The following AKAP8L variants were observed in gnomAD, a reference collection of about 807,000 sequenced individuals.
AKAP8L encodes A-kinase anchoring protein 8 like.
In AKAP8L, 34 loss-of-function variants were observed where a neutral mutation model predicts 77.5. The ratio of observed to expected loss-of-function variants is 0.44; its 90% CI spans 0.33 to 0.58. AKAP8L has a LOEUF of 0.58. Ranked by LOEUF, AKAP8L falls within the 20% of genes least tolerant of loss-of-function variation. The probability of loss-of-function intolerance (pLI) is 0.02; values close to 1 mark genes in which losing one functional copy is unlikely to be tolerated. For synonymous variants in AKAP8L, 342 were observed against 340.7 expected (o/e 1.00, Z -0.04); for missense variants, 806 against 887.6 (o/e 0.91, Z 1.17).
At position 15,404,774 on chromosome 19, in the gene AKAP8L, G is replaced by T. The variant is rs1191609397; in HGVS notation, c.89-732C>A. Among the ~76,000 whole-genome samples, 7 of 152,298 alleles carry T rather than the reference G, an allele frequency of 4.6e-5. No homozygotes were observed. In the East Asian group the frequency reaches 1.2e-3, roughly 25 times the overall value. ...CCCGCAGAGGACATGCTCATCCCAG[G>T]GCAGGGGACCGAAGCTCAGTGAGAC... On this transcript the variant is annotated intron_variant, in intron 2 of 13. Transcript: ENST00000397410.
intron 8 of AKAP8L, 23 bp downstream of exon 8, chr19:15,400,272 C>T (rs766861373): frequency 3.7e-6 from 6 of 1,613,562 alleles, no homozygotes; most frequent in Admixed American, 1.7e-5. Context: ...CGCCCTAGCA[C>T]CAGGCACCCC....
At position 15,403,842 on chromosome 19, in the gene AKAP8L, G is replaced by T; in HGVS notation, c.122-127C>A. 1 of 1,071,808 alleles carries T rather than the reference G, an allele frequency of 9.3e-7. No homozygotes were observed. The highest frequency in any genetic ancestry group is 1.4e-6 in the Non-Finnish European group (1 of 723,658). 66.4% of individuals were successfully genotyped at this position (1,071,808 alleles called of 1,614,324 possible). A position where few individuals can be genotyped will look rare whatever the true frequency, so the allele number is the denominator to read the frequency against. On this transcript the variant is annotated intron_variant, in intron 3 of 13. Transcript: ENST00000397410. The surrounding 1 kb of genome is among the most constrained non-coding windows in gnomAD (Gnocchi z 4.3). The stretch of plus-strand genomic sequence containing the variant: ...GAGAGAGAAGACCCTAGCCACTGAA[G>T]CTAGATGGGCCCTGGTCATTCTGAT...
Position 15,400,984 on chromosome 19 carries a change from G to C in AKAP8L, c.876C>G (p.Thr292=). ...GSPDEPDSKA[T]RTDCSDNSDS... ...CGCTGTTGTCCGAGCAGTCCGTGCG[G>C]GTGGCTTTGCTATCTGGCTCATCAG... The change falls in exon 6 of 14, where the codon ACC becomes ACG. Residue 292 remains threonine (T), a synonymous_variant. Transcript: ENST00000397410. The C allele has an allele frequency of 1.2e-6, 2 of 1,613,994 alleles. No homozygotes were observed. Among genetic ancestry groups the C allele is most frequent in the Non-Finnish European group, 1.7e-6 (2 of 1,179,882 alleles).
intron 8 of AKAP8L, 149 bp downstream of exon 8, chr19:15,400,146 A>G (rs1466963421): frequency 1.3e-6 from 1 of 768,050 alleles, no homozygotes. Context: ...GGCGGCGAAA[A>G]GAAAGCCCCC....
At position 15,399,873 on chromosome 19, in the gene AKAP8L, A is replaced by G; in HGVS notation, c.1048+422T>C. On this transcript the variant is annotated intron_variant, in intron 8 of 13. Transcript: ENST00000397410. This position sits in a 1 kb window ranked among gnomAD's most constrained non-coding sequence, Gnocchi z 6.1. Reference sequence around the variant, plus strand: ...CTCAGGTGGGGGGACACGGAATCCCAACAGGGGCTGGAGAGGTGCTAAGGG... The same window carrying G: ...CTCAGGTGGGGGGACACGGAATCCCGACAGGGGCTGGAGAGGTGCTAAGGG... The G allele has an allele frequency of 3.2e-6, 1 of 310,658 alleles. No individual in the cohort carries two copies. Among genetic ancestry groups the G allele is most frequent in the Non-Finnish European group, 6.1e-6 (1 of 163,990 alleles). 19.2% of individuals were successfully genotyped at this position (310,658 alleles called of 1,614,324 possible).
At chr19:15,383,561 A>T (rs968486875) in intron 12 of AKAP8L, 1 of 152,212 alleles carries the variant, frequency 6.6e-6, no homozygotes, top group Non-Finnish European at 1.5e-5. Context: ...TTCAGATAAA[A>T]TATCTGTACT....
chr19:15,385,055 G>A (rs1448633685), intron 12 of AKAP8L, among the ~76,000 whole-genome samples: 1 of 151,318 alleles, frequency 6.6e-6, no homozygotes, highest in African/African-American at 2.4e-5. Context: ...TCGGCTCACT[G>A]CAAGCTCCGC....
rs754495457 is a variant in AKAP8L at position 15,403,078 on chromosome 19, C to T, written c.362+397G>A. ...CCAGCTCGCAGTGATCAGCCCCAAA[C>T]GCTCGTCCCACCCTTCACACCAAAC... On this transcript the variant is annotated intron_variant, in intron 4 of 13. Coordinates refer to ENST00000397410, the MANE Select transcript of AKAP8L (RefSeq NM_014371.4). The surrounding 1 kb of genome is among the most constrained non-coding windows in gnomAD (Gnocchi z 4.3). Among the ~76,000 whole-genome samples, 7 of 152,222 alleles carry T rather than the reference C, an allele frequency of 4.6e-5. No individual in the cohort carries two copies. Among genetic ancestry groups the T allele is most frequent in the Admixed American group, 6.5e-5 (1 of 15,280 alleles).
chr19:15,405,245 C>T (rs1012872122), intron 2 of AKAP8L, among the ~76,000 whole-genome samples: 2 of 152,218 alleles, frequency 1.3e-5, no homozygotes, highest in Admixed American at 1.3e-4. Flanking sequence ...TAAAGAAAAA[C>T]ACACAAGGCT....
rs1383121972 is a variant in AKAP8L at position 15,399,521 on chromosome 19, AG to A, written c.1049-112del. On this transcript the variant is annotated intron_variant, in intron 8 of 13. Coordinates refer to ENST00000397410, the MANE Select transcript of AKAP8L (RefSeq NM_014371.4). The surrounding 1 kb of genome is among the most constrained non-coding windows in gnomAD (Gnocchi z 6.1). ...CCACTCCAGAGGGTCCATCGAGAAT[AG>A]CTGTCCAAGCAAGGCCTCTGGCCAT... 6 of 802,670 alleles carry A rather than the reference AG, an allele frequency of 7.5e-6. No homozygotes were observed. The highest frequency in any genetic ancestry group is 1.3e-5 in the Non-Finnish European group (6 of 467,374). The allele number at this position is 802,670 out of a possible 1,614,324, so 49.7% of individuals were successfully genotyped here. A position where few individuals can be genotyped will look rare whatever the true frequency, so the allele number is the denominator to read the frequency against.
At chr19:15,405,308 C>A (rs1011799818) in intron 2 of AKAP8L, among the ~76,000 whole-genome samples, 2 of 152,140 alleles carry the variant, frequency 1.3e-5, no homozygotes, top group East Asian at 3.9e-4. Flanking sequence ...TCGAGGCGGG[C>A]GGATCACCTG....
chr19:15,397,006 AC>A lies in AKAP8L; in HGVS notation c.1536+143del. On this transcript the variant is annotated intron_variant, in intron 12 of 13. Coordinates refer to ENST00000397410, the MANE Select transcript of AKAP8L (RefSeq NM_014371.4). The surrounding 1 kb of genome is among the most constrained non-coding windows in gnomAD (Gnocchi z 4.7). ...CTCTCTCTGTAGCTGTGCTGCCTGC[AC>A]TGAGCTGGAAATGTCCATATCCACC... 1 of 1,140,804 alleles carries A rather than the reference AC, an allele frequency of 8.8e-7. No homozygotes were observed. The highest frequency in any genetic ancestry group is 1.3e-6 in the Non-Finnish European group (1 of 790,384). The allele number at this position is 1,140,804 out of a possible 1,614,324, so 70.7% of individuals were successfully genotyped here. A position where few individuals can be genotyped will look rare whatever the true frequency, so the allele number is the denominator to read the frequency against.
At chr19:15,415,834 C>A (rs1034071898) in intron 1 of AKAP8L, among the ~76,000 whole-genome samples, 1 of 150,380 alleles carries the variant, frequency 6.6e-6, no homozygotes, top group Non-Finnish European at 1.5e-5. Flanking sequence ...TGCAGTGGGC[C>A]GAGATGGCGC....
At chr19:15,404,120 C>T (rs1243222159) in intron 2 of AKAP8L, 78 bp from the exon 3 acceptor site, 4 of 1,486,156 alleles carry the variant, frequency 2.7e-6, no homozygotes, top group African/African-American at 1.4e-5. Flanking sequence ...ACAATTATTC[C>T]CAGGACCTGA....
Position 15,401,034 on chromosome 19 carries a change from T to A in AKAP8L, c.826A>T (p.Lys276Ter). 1 of 1,613,218 alleles carries A rather than the reference T, an allele frequency of 6.2e-7. No homozygotes were observed. The highest frequency in any genetic ancestry group is 8.5e-7 in the Non-Finnish European group (1 of 1,179,870). ...GGACTGCCGCCCTGCTTTCTCTTCTTCTTCTTGGTCTGGGTCATAAGGGGG... is the reference window on the plus strand; with the variant it reads ...GGACTGCCGCCCTGCTTTCTCTTCTACTTCTTGGTCTGGGTCATAAGGGGG... ...WTTADFRTKK[K>*]KRKQGGSPDE... Residue 276 changes from lysine (K) to a stop codon, truncating the protein, a stop_gained, in exon 6 of 14, where the codon AAG becomes TAG. Coordinates refer to ENST00000397410, the MANE Select transcript of AKAP8L (RefSeq NM_014371.4). LOFTEE classifies it high-confidence loss of function. This position sits in a 1 kb window ranked among gnomAD's most constrained non-coding sequence, Gnocchi z 6.2.
intron 1 of AKAP8L, among the ~76,000 whole-genome samples, chr19:15,415,469 T>C (rs1289724570): frequency 1.3e-5 from 2 of 152,086 alleles, no homozygotes; most frequent in Non-Finnish European, 2.9e-5. Context: ...AGTTTTATAC[T>C]TTTCCTTTCT....
chr19:15,401,259 A>G lies in AKAP8L; in HGVS notation c.707T>C (p.Met236Thr). The change falls in exon 5 of 14, where the codon ATG (methionine) becomes ACG (threonine). Residue 236 changes from methionine (M) to threonine (T), a missense_variant. Met to Thr is a moderately conservative substitution (Grantham distance 81). This residue lies in a region of AKAP8L where 580 missense variants were observed against 694.1 expected (regional missense o/e 0.84). Transcript: ENST00000397410. This position sits in a 1 kb window ranked among gnomAD's most constrained non-coding sequence, Gnocchi z 6.2. Reference sequence around the variant, plus strand: ...GCCCGGGAAGGCGCCCCCACCTCGCATGCCCTGGAACATGCCGTACTCGGG... The same window carrying G: ...GCCCGGGAAGGCGCCCCCACCTCGCGTGCCCTGGAACATGCCGTACTCGGG... ...IIPEYGMFQG[M>T]RGGGAFPGGS... 3 of 1,613,806 alleles carry G rather than the reference A, an allele frequency of 1.9e-6. No individual in the cohort carries two copies. The highest frequency in any genetic ancestry group is 2.2e-5 in the South Asian group (2 of 91,086).
chr19:15,401,569 C>T lies in AKAP8L; in HGVS notation c.397G>A (p.Val133Ile), dbSNP rs768189341. The change falls in exon 5 of 14, where the codon GTC becomes ATC. Residue 133 changes from valine to isoleucine, a missense_variant. Physicochemically the swap from Val to Ile is conservative, Grantham distance 29. Coordinates refer to ENST00000397410, the MANE Select transcript of AKAP8L (RefSeq NM_014371.4). This position sits in a 1 kb window ranked among gnomAD's most constrained non-coding sequence, Gnocchi z 6.2. ...CGGTACAGGTCGCGCTCACTCAGGA[C>T]GGCCCTCGAGTCGCAGGACTCATAA... ...DSYESCDSRA[V>I]LSERDLYRSG... 1.9e-5 allele frequency: 30 copies of T among 1,610,518 alleles called. 1 individual carries two copies. Among genetic ancestry groups the T allele is most frequent in the South Asian group, 1.4e-4 (13 of 90,726 alleles).
Position 15,400,777 on chromosome 19 carries a change from C to T in AKAP8L, c.984+17G>A, listed in dbSNP as rs920907810. The T allele has an allele frequency of 6.2e-7, 1 of 1,613,822 alleles. No homozygotes were observed. The highest frequency in any genetic ancestry group is 1.1e-5 in the South Asian group (1 of 91,068). Reference sequence around the variant, plus strand: ...GCCCTGCCTGCAGACAGAAAATGCCCAGCCAGAGCCACTTACCACTCTGGA... The same window carrying T: ...GCCCTGCCTGCAGACAGAAAATGCCTAGCCAGAGCCACTTACCACTCTGGA... On this transcript the variant is annotated intron_variant, in intron 7 of 13. Transcript: ENST00000397410.
Sources: gnomAD v4.1 joint callset for allele counts (sites outside exome capture counted in the v4.1 genomes callset) on GRCh38, gnomAD v4.1.1 for gene constraint, gnomAD v4.1.1 regional missense constraint, Gnocchi (gnomAD v3.1) non-coding constraint, MANE v1.5 for transcripts, NCBI Gene and HGNC (gene_info 2026-07-23, HGNC 2026-07-21) for gene names.